The following CALD1 variants were observed in gnomAD, a reference collection of about 807,000 sequenced individuals.
The protein encoded by CALD1 is caldesmon.
CALD1 carries 33 observed loss-of-function variants against 99.9 expected under a neutral mutation model. That is an observed-to-expected ratio of 0.33 (90% CI 0.25 to 0.44). The LOEUF is 0.44. Ranked by LOEUF, CALD1 falls within the 20% of genes least tolerant of loss-of-function variation. The pLI, the probability that CALD1 is intolerant of heterozygous loss-of-function variation, is 1.00. For synonymous variants in CALD1, 310 were observed against 325.0 expected, an observed-to-expected ratio of 0.95 and a Z score of 0.50; for missense variants, 861 against 962.1, an observed-to-expected ratio of 0.89 and a Z score of 1.39.
At chr7:134,766,040 T>C (rs1383897966) in intron 1 of CALD1, among the ~76,000 whole-genome samples, 1 of 151,984 alleles carries the variant, frequency 6.6e-6, no homozygotes, top group Non-Finnish European at 1.5e-5. Context: ...TCCATCGTGA[T>C]TGAAAGATTC....
the CALD1 span, among the ~76,000 whole-genome samples, chr7:134,721,250 T>C: frequency 6.6e-4 from 101 of 151,904 alleles, 2 homozygotes; most frequent in African/African-American, 2.3e-3. Context: ...AGAACGGCGA[T>C]TTTCAGTTAA....
intron 3 of CALD1, among the ~76,000 whole-genome samples, chr7:134,880,893 C>T (rs897009584): frequency 6.6e-6 from 1 of 152,112 alleles, no homozygotes; most frequent in Non-Finnish European, 1.5e-5. Flanking sequence ...AGATGCTCAG[C>T]GGCTTTTGAA....
intron 1 of CALD1, among the ~76,000 whole-genome samples, chr7:134,786,919 C>T (rs1309050501): frequency 6.6e-6 from 1 of 152,172 alleles, no homozygotes; most frequent in African/African-American, 2.4e-5. Flanking sequence ...AAATACACAT[C>T]CCTGAGACCT....
chr7:134,872,609 G>A (rs10244339), intron 3 of CALD1, among the ~76,000 whole-genome samples: 45,472 of 151,958 alleles, frequency 0.3, 7,696 homozygotes, highest in African/African-American at 0.47. Flanking sequence ...TCACCAGTAG[G>A]GACAGTATCC....
chr7:134,772,753 C>T (rs1796886889), intron 1 of CALD1, among the ~76,000 whole-genome samples: 1 of 152,158 alleles, frequency 6.6e-6, no homozygotes, highest in Non-Finnish European at 1.5e-5. Context: ...GTACTTATTG[C>T]AAGTGCTTTT....
chr7:134,866,884 C>T (rs995694911), intron 2 of CALD1: 2 of 152,132 alleles, frequency 1.3e-5, no homozygotes, highest in South Asian at 2.1e-4. Flanking sequence ...AAAAAGAGCC[C>T]GCTTCCCCCT....
At chr7:134,950,772 G>A (rs1235485166) in intron 9 of CALD1, among the ~76,000 whole-genome samples, 3 of 152,146 alleles carry the variant, frequency 2.0e-5, no homozygotes, top group Admixed American at 6.5e-5. Flanking sequence ...CCTGGCCACC[G>A]TGGTGAAACC....
chr7:134,929,611 TGTATATATAC>T (rs1346265672), intron 4 of CALD1, among the ~76,000 whole-genome samples: 2 of 8,036 alleles, frequency 2.5e-4, no homozygotes, highest in African/African-American at 1.6e-3. Context: ...CCATGGTGTG[TGTATATATAC>T]GTGTGTGTGT....
chr7:134,942,520 AT>A (rs1806532048), intron 7 of CALD1, among the ~76,000 whole-genome samples: 1 of 152,232 alleles, frequency 6.6e-6, no homozygotes, highest in Non-Finnish European at 1.5e-5. Context: ...ATCTATAGAT[AT>A]TACTTGGGAT....
the CALD1 span, among the ~76,000 whole-genome samples, chr7:134,736,093 C>T: frequency 0.016 from 2,373 of 152,250 alleles, 62 homozygotes; most frequent in African/African-American, 0.051. Context: ...GCATACAGTG[C>T]TTTCCGTGGG....
chr7:134,891,294 C>T (rs945743619), intron 3 of CALD1: 31 of 863,952 alleles, frequency 3.6e-5, no homozygotes, highest in Non-Finnish European at 4.1e-5. Context: ...ATTTCTGGAA[C>T]TCCCGAAGCA....
At chr7:134,717,538 G>A in the CALD1 span, among the ~76,000 whole-genome samples, 1 of 152,198 alleles carries the variant, frequency 6.6e-6, no homozygotes, top group African/African-American at 2.4e-5. Flanking sequence ...GGGATAGAAG[G>A]TGGCCAGGCA....
At chr7:134,781,335 A>G (rs1797096077) in intron 1 of CALD1, among the ~76,000 whole-genome samples, 1 of 152,188 alleles carries the variant, frequency 6.6e-6, no homozygotes, top group Non-Finnish European at 1.5e-5. Context: ...TTTTGAAACC[A>G]ACATCTCCGA....
intron 3 of CALD1, among the ~76,000 whole-genome samples, chr7:134,914,188 C>G (rs1002668049): frequency 1.3e-5 from 2 of 152,090 alleles, no homozygotes. Flanking sequence ...CAATTTAATA[C>G]GAGGTGGGCA....
intron 1 of CALD1, among the ~76,000 whole-genome samples, chr7:134,784,958 T>A (rs997319706): frequency 6.6e-6 from 1 of 152,174 alleles, no homozygotes; most frequent in Admixed American, 6.5e-5. Context: ...AAGACTATTG[T>A]CTTTGGCAAA....
chr7:134,733,837 C>CAAA, the CALD1 span, among the ~76,000 whole-genome samples: 2 of 148,540 alleles, frequency 1.3e-5, no homozygotes, highest in East Asian at 2.0e-4. Context: ...CAAAAAAAAA[C>CAAA]AAAATAGGTC....
chr7:134,942,256 G>A (rs1039090870), intron 7 of CALD1, among the ~76,000 whole-genome samples: 6 of 152,280 alleles, frequency 3.9e-5, no homozygotes, highest in Non-Finnish European at 7.4e-5. Flanking sequence ...GCAGGTTTGA[G>A]GGAGAAATCT....
intron 1 of CALD1, among the ~76,000 whole-genome samples, chr7:134,792,718 G>C (rs1267304709): frequency 6.6e-6 from 1 of 152,158 alleles, no homozygotes; most frequent in Non-Finnish European, 1.5e-5. Flanking sequence ...TTAGGGGTTA[G>C]GACTGCTTCA....
upstream of CALD1, chr7:134,779,601 G>A (rs1390247633): frequency 2.5e-6 from 1 of 398,442 alleles, no homozygotes; most frequent in East Asian, 3.6e-5. Flanking sequence ...GAGGGGCCAA[G>A]GAAGGGCGGT....
Sources: allele counts gnomAD v4.1 joint callset (sites outside exome capture counted in the v4.1 genomes callset), GRCh38; gene constraint gnomAD v4.1.1; transcripts MANE v1.5; gene names NCBI Gene and HGNC (gene_info 2026-07-23, HGNC 2026-07-21).